The following GRM5 variants were observed in gnomAD, a reference collection of about 807,000 sequenced individuals.
GRM5 encodes metabotropic glutamate receptor 5.
In GRM5, 19 loss-of-function variants were observed where a neutral mutation model predicts 83.1. The ratio of observed to expected loss-of-function variants is 0.23; its 90% CI spans 0.16 to 0.34. GRM5 has a LOEUF of 0.34. Ranked by LOEUF, GRM5 falls within the 10% of genes least tolerant of loss-of-function variation. The pLI is 1.00. For synonymous variants in GRM5, 675 were observed against 633.6 expected, an observed-to-expected ratio of 1.07 and a Z score of -0.98; for missense variants, 1,160 against 1,588.3, an observed-to-expected ratio of 0.73 and a Z score of 4.58.
At chr11:88,850,181 G>A in intron 2 of GRM5, 26 bp from the exon 3 acceptor site, 1 of 1,004,182 alleles carries the variant, frequency 1.0e-6, no homozygotes, top group Non-Finnish European at 1.6e-6. Context: ...GATAAGCAGA[G>A]GGATAGTGAA....
At chr11:89,065,604 C>T (rs1312586387) in intron 1 of GRM5, among the ~76,000 whole-genome samples, 172 bp downstream of exon 1, 1 of 152,138 alleles carries the variant, frequency 6.6e-6, no homozygotes, top group Non-Finnish European at 1.5e-5. Flanking sequence ...CGTAGCGTTC[C>T]TGGCTCTACC....
intron 3 of GRM5, among the ~76,000 whole-genome samples, chr11:88,664,135 C>T (rs1939978336): frequency 6.6e-6 from 1 of 152,116 alleles, no homozygotes; most frequent in African/African-American, 2.4e-5. Flanking sequence ...TTCCCTTCAA[C>T]CTTAGAGTCA....
chr11:88,818,522 A>G (rs925635150), intron 3 of GRM5, among the ~76,000 whole-genome samples: 3 of 152,144 alleles, frequency 2.0e-5, no homozygotes, highest in African/African-American at 7.2e-5. Flanking sequence ...GCAAGATTAG[A>G]TTTATAAATG....
At chr11:89,036,044 T>C (rs905994000) in intron 2 of GRM5, among the ~76,000 whole-genome samples, 1 of 152,064 alleles carries the variant, frequency 6.6e-6, no homozygotes, top group Admixed American at 6.6e-5. Context: ...TGCTTATGCT[T>C]GTTGAAAATG....
intron 4 of GRM5, among the ~76,000 whole-genome samples, chr11:88,645,199 G>A (rs543286885): frequency 6.6e-6 from 1 of 152,184 alleles, no homozygotes; most frequent in Non-Finnish European, 1.5e-5. Context: ...GGTTGTGTGA[G>A]TAGTTCCTTG....
At chr11:89,042,815 ATAAC>A (rs967298950) in intron 2 of GRM5, among the ~76,000 whole-genome samples, 1 of 147,502 alleles carries the variant, frequency 6.8e-6, no homozygotes. Flanking sequence ...TTTTAAGTAA[ATAAC>A]TGATGGGAAG....
intron 2 of GRM5, among the ~76,000 whole-genome samples, chr11:88,949,875 T>C (rs1047031724): frequency 1.3e-5 from 2 of 152,166 alleles, no homozygotes; most frequent in African/African-American, 4.8e-5. Flanking sequence ...GCAATACTTT[T>C]ATTTTTTCAG....
intron 3 of GRM5, among the ~76,000 whole-genome samples, chr11:88,677,386 C>CTGTT (rs1304610550): frequency 6.6e-6 from 1 of 152,056 alleles, no homozygotes; most frequent in Non-Finnish European, 1.5e-5. Context: ...CTTAGTCAAG[C>CTGTT]TGTTTAGCAC....
At chr11:88,889,408 T>C (rs1945101621) in intron 2 of GRM5, among the ~76,000 whole-genome samples, 1 of 152,064 alleles carries the variant, frequency 6.6e-6, no homozygotes, top group Non-Finnish European at 1.5e-5. Context: ...TCAGTCACAA[T>C]TTTGCAATGA....
intron 8 of GRM5, among the ~76,000 whole-genome samples, chr11:88,545,724 A>G (rs1453804920): frequency 6.6e-6 from 1 of 152,126 alleles, no homozygotes; most frequent in Non-Finnish European, 1.5e-5. Context: ...TTTCTCACCT[A>G]TCCTGTTGCA....
chr11:88,805,971 G>C (rs1458251130), intron 3 of GRM5, among the ~76,000 whole-genome samples: 1 of 152,190 alleles, frequency 6.6e-6, no homozygotes, highest in Non-Finnish European at 1.5e-5. Context: ...TCTAGGGTCA[G>C]ACTCTTCCAG....
chr11:88,972,548 T>C (rs1407476255), intron 2 of GRM5, among the ~76,000 whole-genome samples: 2 of 152,166 alleles, frequency 1.3e-5, no homozygotes, highest in Non-Finnish European at 2.9e-5. Context: ...TTGGGGGTGG[T>C]GCTGGAATTG....
chr11:88,728,939 A>C (rs1941743965), intron 3 of GRM5, among the ~76,000 whole-genome samples: 1 of 152,214 alleles, frequency 6.6e-6, no homozygotes, highest in Non-Finnish European at 1.5e-5. Flanking sequence ...AAAAGCTGGA[A>C]GCATTCCCTT....
chr11:89,026,771 G>A (rs1366748650), intron 2 of GRM5, among the ~76,000 whole-genome samples: 1 of 152,138 alleles, frequency 6.6e-6, no homozygotes, highest in Non-Finnish European at 1.5e-5. Flanking sequence ...CCTTTAAATG[G>A]AATACTTTTA....
At chr11:88,585,669 A>G (rs1401421735) in intron 7 of GRM5, among the ~76,000 whole-genome samples, 2 of 152,206 alleles carry the variant, frequency 1.3e-5, no homozygotes, top group Non-Finnish European at 2.9e-5. Flanking sequence ...AATTTTAAAT[A>G]TCACCTAAGT....
At chr11:88,558,074 C>T (rs1421715916) in intron 8 of GRM5, among the ~76,000 whole-genome samples, 1 of 152,068 alleles carries the variant, frequency 6.6e-6, no homozygotes, top group Non-Finnish European at 1.5e-5. Context: ...AAAGGGCAGG[C>T]TTTGTGTCTT....
At position 88,773,275 on chromosome 11, in the gene GRM5, T is replaced by C. The variant is rs1036832554; in HGVS notation, c.911+76631A>G. On this transcript the variant is annotated intron_variant, in intron 3 of 9. Transcript: ENST00000305447. ...TTTGAGAAGTGTCTGTCTGTTCATA[T>C]CCTTTGTCCACTTTTTGATGTGGCT... Among the ~76,000 whole-genome samples, 4 of 152,206 alleles carry C rather than the reference T, an allele frequency of 2.6e-5. No individual in the cohort carries two copies. The East Asian group carries it at 7.7e-4, about 29-fold the overall frequency.
rs1329674364 is a variant in GRM5 at position 88,508,603 on chromosome 11, A to C, written c.3628T>G (p.Ser1210Ala). ...LIIRDYTQSS[S>A]SL ...CTTTCCAGGGACATTCACAACGACG[A>C]GGAGCTCTGAGTGTAATCTCTTATG... is the stretch of plus-strand genomic sequence containing the variant. The change falls in exon 10 of 10, where the codon TCG becomes GCG. Residue 1210 changes from serine to alanine, a missense_variant. Around this residue, in one of 9 missense-constraint regions of GRM5, gnomAD observed 562 missense variants for 532.4 expected, o/e 1.06. Coordinates refer to ENST00000305447, the MANE Select transcript of GRM5 (RefSeq NM_001143831.3). This position sits in a 1 kb window ranked among gnomAD's most constrained non-coding sequence, Gnocchi z 4.2. 6.2e-7 allele frequency: 1 copy of C among 1,607,820 alleles called. No individual in the cohort carries two copies. Among genetic ancestry groups the C allele is most frequent in the Non-Finnish European group, 8.5e-7 (1 of 1,176,994 alleles).
intron 2 of GRM5, among the ~76,000 whole-genome samples, chr11:88,998,631 A>G (rs1940270933): frequency 6.6e-6 from 1 of 152,192 alleles, no homozygotes; most frequent in African/African-American, 2.4e-5. Context: ...TTAGAGATGA[A>G]GCAATAAAAC....
Sources: allele counts gnomAD v4.1 joint callset (sites outside exome capture counted in the v4.1 genomes callset), GRCh38; gene constraint gnomAD v4.1.1; regional missense constraint gnomAD v4.1.1; non-coding constraint Gnocchi (gnomAD v3.1); transcripts MANE v1.5; gene names NCBI Gene and HGNC (gene_info 2026-07-23, HGNC 2026-07-21).